The following RERG variants were observed in gnomAD, a reference collection of about 807,000 sequenced individuals.
RERG encodes the protein RAS like estrogen regulated growth inhibitor.
In RERG, 25 loss-of-function variants were observed where a neutral mutation model predicts 23.2. The ratio of observed to expected loss-of-function variants is 1.08; its 90% CI spans 0.79 to 1.50. The LOEUF (loss-of-function observed/expected upper bound fraction) is 1.50. Ranked by LOEUF, RERG falls within the 40% of genes most tolerant of loss-of-function variation. The pLI is 0.00. For synonymous variants in RERG, 81 were observed against 89.1 expected (o/e 0.91, Z 0.51); for missense variants, 253 against 250.1 (o/e 1.01, Z -0.08).
At chr12:15,213,994 GTA>G (rs59153894) in intron 2 of RERG, among the ~76,000 whole-genome samples, 31,745 of 108,394 alleles carry the variant, frequency 0.29, 4,040 homozygotes, top group South Asian at 0.37. Flanking sequence ...AACAGAGAAA[GTA>G]TGTGTGTGTG....
chr12:15,199,394 C>G (rs1245153868), intron 2 of RERG, among the ~76,000 whole-genome samples: 1 of 151,576 alleles, frequency 6.6e-6, no homozygotes, highest in Admixed American at 6.6e-5. Context: ...TTTTTGTTTT[C>G]TGCAAGTTCC....
In RERG at chr12:15,133,144, G is replaced by GATATAT. The variant is rs1491335287; in HGVS notation, c.62-12026_62-12025insATATAT. On this transcript the variant is annotated intron_variant, in intron 2 of 4. Coordinates refer to ENST00000256953, the MANE Select transcript of RERG (RefSeq NM_032918.3). ...CACTCTTGGGGTTGTATATCCTGTG[G>GATATAT]AGATATATATATATATATATATATA... Among the ~76,000 whole-genome samples, 223 of 59,208 alleles carry GATATAT rather than the reference G, an allele frequency of 3.8e-3. 4 individuals are homozygous for GATATAT. The highest frequency in any genetic ancestry group is 0.034 in the Admixed American group (174 of 5,102). 38.8% of individuals were successfully genotyped at this position (59,208 alleles called of 152,430 possible).
chr12:15,119,348 G>T (rs578003416), intron 3 of RERG, among the ~76,000 whole-genome samples: 1 of 152,132 alleles, frequency 6.6e-6, no homozygotes, highest in Admixed American at 6.5e-5. Context: ...GACTAATTAA[G>T]AATAATAAGA....
At chr12:15,122,799 T>TC (rs1404314833) in intron 2 of RERG, among the ~76,000 whole-genome samples, 13 of 150,740 alleles carry the variant, frequency 8.6e-5, no homozygotes, top group African/African-American at 2.7e-4. Flanking sequence ...TTTTTTTTTT[T>TC]GTTTTTTGTT....
intron 2 of RERG, among the ~76,000 whole-genome samples, chr12:15,121,369 C>T (rs560936912): frequency 9.1e-4 from 139 of 152,068 alleles, no homozygotes; most frequent in Non-Finnish European, 1.7e-3. Context: ...TTGCTTTAGT[C>T]ACAAGGTTAA....
At chr12:15,178,504 G>C (rs1864882462) in intron 2 of RERG, among the ~76,000 whole-genome samples, 1 of 152,132 alleles carries the variant, frequency 6.6e-6, no homozygotes, top group Admixed American at 6.6e-5. Flanking sequence ...TATTTTATTT[G>C]GTGAGAGAAG....
At chr12:15,150,475 G>C (rs1864421904) in intron 2 of RERG, among the ~76,000 whole-genome samples, 1 of 152,070 alleles carries the variant, frequency 6.6e-6, no homozygotes, top group African/African-American at 2.4e-5. Flanking sequence ...CTAACTCATA[G>C]GATTGTTATG....
rs34755371 is a variant in RERG at position 15,139,014 on chromosome 12, C to CTTTTTTTTTTTTTTTT, written c.62-17911_62-17896dup. The stretch of plus-strand genomic sequence containing the variant: ...TGAAAGTTGTTCACCTGTGTCTAGA[C>CTTTTTTTTTTTTTTTT]TTTTTTTTTTTTTTTTTTTTTTGCC... On this transcript the variant is annotated intron_variant, in intron 2 of 4. Coordinates refer to ENST00000256953, the MANE Select transcript of RERG (RefSeq NM_032918.3). Among the ~76,000 whole-genome samples the CTTTTTTTTTTTTTTTT allele has an allele frequency of 1.4e-4, 7 of 51,116 alleles. 1 individual carries two copies. The highest frequency in any genetic ancestry group is 7.3e-4 in the South Asian group (1 of 1,374). 33.5% of individuals were successfully genotyped at this position (51,116 alleles called of 152,430 possible). A position where few individuals can be genotyped will look rare whatever the true frequency, so the allele number is the denominator to read the frequency against.
chr12:15,109,144 G>C lies in RERG; in HGVS notation c.566C>G (p.Ala189Gly). The C allele has an allele frequency of 6.2e-7, 1 of 1,601,518 alleles. No homozygotes were observed. Among genetic ancestry groups the C allele is most frequent in the Non-Finnish European group, 8.5e-7 (1 of 1,174,594 alleles). Residue 189 changes from alanine (A) to glycine (G), a missense_variant, in exon 5 of 5, where the codon GCC (alanine) becomes GGC (glycine). Coordinates refer to ENST00000256953, the MANE Select transcript of RERG (RefSeq NM_032918.3). The stretch of plus-strand genomic sequence containing the variant: ...GATTTTGGTGAGCATCTTGTTAATG[G>C]CTTGCTTGACATGCGTGGTGGAGCT... ...RRSSTTHVKQ[A>G]INKMLTKISS
intron 2 of RERG, among the ~76,000 whole-genome samples, chr12:15,161,768 C>CAATAAT (rs573959645): frequency 2.0e-5 from 3 of 151,828 alleles, no homozygotes; most frequent in South Asian, 2.1e-4. Context: ...CTACCAATAA[C>CAATAAT]AATAATAATA....
intron 2 of RERG, among the ~76,000 whole-genome samples, chr12:15,147,486 G>A (rs1478038318): frequency 1.3e-5 from 2 of 152,170 alleles, no homozygotes; most frequent in African/African-American, 4.8e-5. Context: ...TTCTACATAA[G>A]TATATTTATT....
Position 15,145,760 on chromosome 12 carries a change from C to T in RERG, c.62-24641G>A, listed in dbSNP as rs186482063. ...GTAAAGAAGCAACAGCAGAACCCCA[C>T]GGTGGCTGAATTGGCCGTAAACCCA... On this transcript the variant is annotated intron_variant, in intron 2 of 4. Coordinates refer to ENST00000256953, the MANE Select transcript of RERG (RefSeq NM_032918.3). Among the ~76,000 whole-genome samples the T allele has an allele frequency of 2.1e-3, 317 of 152,322 alleles. 1 individual carries two copies. The highest frequency in any genetic ancestry group is 6.8e-3 in the African/African-American group (283 of 41,578).
At chr12:15,132,780 T>A (rs2136096564) in intron 2 of RERG, among the ~76,000 whole-genome samples, 1 of 152,264 alleles carries the variant, frequency 6.6e-6, no homozygotes, top group East Asian at 1.9e-4. Flanking sequence ...TTTTAACTTG[T>A]AATTCTCTAA....
chr12:15,212,042 C>CTTT lies in RERG; in HGVS notation c.61+5384_61+5386dup, dbSNP rs772353150. On this transcript the variant is annotated intron_variant, in intron 2 of 4. Coordinates refer to ENST00000256953, the MANE Select transcript of RERG (RefSeq NM_032918.3). ...ATGTGATATTAGAGCCACGAATAAA[C>CTTT]TTTTTTTTTTTTTTTTTTTTTTTTT... 1.4e-3 allele frequency among the ~76,000 whole-genome samples: 93 copies of CTTT among 64,716 alleles called. 7 individuals are homozygous for CTTT. Among genetic ancestry groups the CTTT allele is most frequent in the South Asian group, 3.8e-3 (6 of 1,570 alleles). 42.5% of individuals were successfully genotyped at this position (64,716 alleles called of 152,430 possible). A position where few individuals can be genotyped will look rare whatever the true frequency, so the allele number is the denominator to read the frequency against.
At chr12:15,119,248 C>T (rs7962071) in intron 3 of RERG, among the ~76,000 whole-genome samples, 101,146 of 152,016 alleles carry the variant, frequency 0.67, 33,750 homozygotes, top group Admixed American at 0.74. Context: ...GAAGGAAGCC[C>T]GCACTATACA....
At chr12:15,172,517 G>A (rs555220350) in intron 2 of RERG, among the ~76,000 whole-genome samples, 17 of 152,042 alleles carry the variant, frequency 1.1e-4, no homozygotes, top group African/African-American at 3.9e-4. Context: ...TGGTCATCTG[G>A]TAACTCCATG....
At chr12:15,123,415 T>G (rs1863874066) in intron 2 of RERG, among the ~76,000 whole-genome samples, 1 of 150,564 alleles carries the variant, frequency 6.6e-6, no homozygotes, top group East Asian at 1.9e-4. Context: ...AACTCTAGAG[T>G]GCTAGAGTTT....
chr12:15,209,201 A>C (rs1412360934), intron 2 of RERG, among the ~76,000 whole-genome samples: 11 of 152,334 alleles, frequency 7.2e-5, no homozygotes, highest in Non-Finnish European at 1.5e-4. Flanking sequence ...AAATGGATGA[A>C]GATCAATAAT....
intron 3 of RERG, among the ~76,000 whole-genome samples, chr12:15,111,768 G>A (rs540564311): frequency 1.3e-5 from 2 of 150,740 alleles, no homozygotes; most frequent in East Asian, 2.0e-4. Flanking sequence ...ACTGAAACCC[G>A]GGTTTCAAGT....
Sources: gnomAD v4.1 joint callset for allele counts (sites outside exome capture counted in the v4.1 genomes callset) on GRCh38, gnomAD v4.1.1 for gene constraint, MANE v1.5 for transcripts, NCBI Gene and HGNC (gene_info 2026-07-23, HGNC 2026-07-21) for gene names.